Variants in PRLR observed in about 807,000 individuals in gnomAD.
PRLR encodes the protein hPRL receptor.
A neutral mutation model predicts 40.2 loss-of-function variants in PRLR; 13 were observed. The observed-to-expected ratio is 0.32, with a 90% CI of 0.21 to 0.51. The LOEUF (loss-of-function observed/expected upper bound fraction) is 0.51, where lower values mean the gene tolerates loss of function less well. PRLR is among the 20% of genes least tolerant of loss of function. The pLI is 0.97. For synonymous variants in PRLR, 269 were observed against 278.7 expected (o/e 0.97, Z 0.35); for missense variants, 656 against 747.3 (o/e 0.88, Z 1.42).
intron 1 of PRLR, among the ~76,000 whole-genome samples, chr5:35,200,461 T>C (rs1352115016): frequency 6.6e-6 from 1 of 152,218 alleles, no homozygotes; most frequent in African/African-American, 2.4e-5. Context: ...CAGCAGTCAG[T>C]GGGAGGGCTT....
intron 1 of PRLR, among the ~76,000 whole-genome samples, 178 bp from the exon 2 acceptor site, chr5:35,118,300 T>G (rs1441818774): frequency 2.0e-5 from 3 of 150,182 alleles, no homozygotes; most frequent in Non-Finnish European, 4.4e-5. Flanking sequence ...ATTTTAATCT[T>G]ACAGAAAAGT....
intron 1 of PRLR, among the ~76,000 whole-genome samples, chr5:35,208,874 G>GA (rs1776092547): frequency 6.6e-6 from 1 of 151,900 alleles, no homozygotes; most frequent in Non-Finnish European, 1.5e-5. Flanking sequence ...GTGAGTGTAT[G>GA]AAAAAATTAA....
intron 1 of PRLR, among the ~76,000 whole-genome samples, chr5:35,223,467 T>C (rs370951814): frequency 4.7e-4 from 71 of 152,354 alleles, no homozygotes; most frequent in African/African-American, 1.6e-3. Flanking sequence ...AGCTCAGATC[T>C]GGAGCCACTG....
intron 1 of PRLR, among the ~76,000 whole-genome samples, chr5:35,191,876 G>A (rs1412942640): frequency 2.0e-5 from 3 of 152,178 alleles, no homozygotes; most frequent in African/African-American, 7.2e-5. Context: ...GTGACCACCA[G>A]GCTTCCTCAG....
At chr5:35,207,286 TTATAA>T (rs1245350845) in intron 1 of PRLR, among the ~76,000 whole-genome samples, 1 of 151,990 alleles carries the variant, frequency 6.6e-6, no homozygotes, top group Non-Finnish European at 1.5e-5. Context: ...CTATGAACAC[TTATAA>T]TTAATTATAA....
intron 3 of PRLR, 107 bp from the exon 4 acceptor site, chr5:35,086,447 C>T: frequency 1.4e-6 from 2 of 1,424,568 alleles, no homozygotes; most frequent in Non-Finnish European, 1.9e-6. Context: ...GCGATGAAGT[C>T]TCAGGCTGAG....
intron 1 of PRLR, among the ~76,000 whole-genome samples, chr5:35,164,550 T>A (rs985049959): frequency 6.6e-6 from 1 of 152,152 alleles, no homozygotes; most frequent in Non-Finnish European, 1.5e-5. Flanking sequence ...CAAGCATGGC[T>A]GCAATATATG....
chr5:35,203,411 G>C (rs555113946), intron 1 of PRLR, among the ~76,000 whole-genome samples: 1 of 152,274 alleles, frequency 6.6e-6, no homozygotes, highest in African/African-American at 2.4e-5. Flanking sequence ...CAACTGGATG[G>C]AAGAAAAGAG....
At chr5:35,154,574 A>T (rs913125339) in intron 1 of PRLR, among the ~76,000 whole-genome samples, 2 of 152,204 alleles carry the variant, frequency 1.3e-5, no homozygotes, top group Non-Finnish European at 2.9e-5. Context: ...TATGGAAGAC[A>T]GTGTGGCAAT....
At chr5:35,204,596 G>A (rs1325266968) in intron 1 of PRLR, among the ~76,000 whole-genome samples, 1 of 152,086 alleles carries the variant, frequency 6.6e-6, no homozygotes, top group Non-Finnish European at 1.5e-5. Context: ...GGATTTCCTG[G>A]TAGCCATAAA....
At chr5:35,123,500 A>G (rs1194187144) in intron 1 of PRLR, among the ~76,000 whole-genome samples, 1 of 152,204 alleles carries the variant, frequency 6.6e-6, no homozygotes, top group Non-Finnish European at 1.5e-5. Flanking sequence ...TATTCAGCCT[A>G]TAATAATTGG....
chr5:35,208,289 T>C (rs1411317455), intron 1 of PRLR, among the ~76,000 whole-genome samples: 2 of 152,158 alleles, frequency 1.3e-5, no homozygotes, highest in African/African-American at 4.8e-5. Context: ...TCTAAATTCA[T>C]GTTGCCATTT....
rs200869348 is a variant in PRLR at position 35,218,778 on chromosome 5, C to CT, written c.-106+11489dup. Among the ~76,000 whole-genome samples the CT allele has an allele frequency of 3.2e-4, 48 of 152,138 alleles. No homozygotes were observed. In the East Asian group the frequency reaches 8.9e-3, roughly 28 times the overall value. On this transcript the variant is annotated intron_variant, in intron 1 of 9. Coordinates refer to ENST00000618457, the MANE Select transcript of PRLR (RefSeq NM_000949.7). ...GTAACAAATAAATTAATATGACTCTCTTTTTTTAATTTTTTTTTTTTAAGT... is the reference window on the plus strand; with the variant it reads ...GTAACAAATAAATTAATATGACTCTCTTTTTTTTAATTTTTTTTTTTTAAGT...
intron 6 of PRLR, 130 bp from the exon 7 acceptor site, chr5:35,070,395 A>T: frequency 2.0e-6 from 2 of 995,338 alleles, no homozygotes; most frequent in Non-Finnish European, 3.0e-6. Context: ...TCACTACTCC[A>T]CTGTCTTAGC....
At chr5:35,121,636 G>A (rs1773295041) in intron 1 of PRLR, among the ~76,000 whole-genome samples, 1 of 152,112 alleles carries the variant, frequency 6.6e-6, no homozygotes, top group Non-Finnish European at 1.5e-5. Context: ...CTTAAAATAT[G>A]CCAGCTATCA....
At chr5:35,092,728 G>A (rs1300249447) in intron 2 of PRLR, among the ~76,000 whole-genome samples, 2 of 152,168 alleles carry the variant, frequency 1.3e-5, no homozygotes, top group African/African-American at 4.8e-5. Flanking sequence ...TTAGCAAAAA[G>A]TCAGCCCCAC....
chr5:35,128,303 A>G (rs577897799), intron 1 of PRLR, among the ~76,000 whole-genome samples: 440 of 150,190 alleles, frequency 2.9e-3, no homozygotes, highest in Middle Eastern at 6.8e-3. Context: ...CTGTGGATCT[A>G]ATGAATACTA....
At chr5:35,120,109 G>C (rs932260328) in intron 1 of PRLR, among the ~76,000 whole-genome samples, 1 of 152,086 alleles carries the variant, frequency 6.6e-6, no homozygotes, top group African/African-American at 2.4e-5. Context: ...TTCAAGTAGG[G>C]TTCTACCCAC....
intron 1 of PRLR, among the ~76,000 whole-genome samples, chr5:35,216,117 C>G (rs1477070344): frequency 6.6e-6 from 1 of 151,860 alleles, no homozygotes; most frequent in Non-Finnish European, 1.5e-5. Flanking sequence ...TTTCACTTAG[C>G]TGGATATCAA....
Sources: allele counts gnomAD v4.1 joint callset (sites outside exome capture counted in the v4.1 genomes callset), GRCh38; gene constraint gnomAD v4.1.1; transcripts MANE v1.5; gene names NCBI Gene and HGNC (gene_info 2026-07-23, HGNC 2026-07-21).